KDM4C: variants seen among roughly 807,000 people sequenced by gnomAD.
KDM4C encodes the protein lysine-specific demethylase 4C.
A neutral mutation model predicts 129.3 loss-of-function variants in KDM4C; 81 were observed. The observed-to-expected ratio is 0.63, with a 90% CI of 0.52 to 0.75. The LOEUF (loss-of-function observed/expected upper bound fraction) is 0.75, where lower values mean the gene tolerates loss of function less well. KDM4C is among the 30% of genes least tolerant of loss of function. The pLI is 0.00. For synonymous variants in KDM4C, 573 were observed against 456.1 expected, an observed-to-expected ratio of 1.26 and a Z score of -3.26; for missense variants, 1,457 against 1,304.0, an observed-to-expected ratio of 1.12 and a Z score of -1.81.
At chr9:7,133,926 A>G (rs190036742) in intron 19 of KDM4C, among the ~76,000 whole-genome samples, 5 of 152,272 alleles carry the variant, frequency 3.3e-5, no homozygotes, top group Admixed American at 3.3e-4. Flanking sequence ...GAGGTGTCCT[A>G]GATGTTCAGG....
chr9:6,893,051 G>A (rs770406619), intron 7 of KDM4C, 44 bp from the exon 8 acceptor site: 4 of 1,349,084 alleles, frequency 3.0e-6, no homozygotes, highest in Non-Finnish European at 3.9e-6. Context: ...CATAATTTAG[G>A]AAGTCTTATT....
At chr9:6,817,225 A>G (rs1397881874) in intron 4 of KDM4C, among the ~76,000 whole-genome samples, 2 of 89,208 alleles carry the variant, frequency 2.2e-5, no homozygotes, top group African/African-American at 8.7e-5. Flanking sequence ...TTTTTTTGAG[A>G]CAGTCTTGTT....
chr9:7,009,274 T>C (rs1184152499), intron 12 of KDM4C, among the ~76,000 whole-genome samples: 2 of 152,194 alleles, frequency 1.3e-5, no homozygotes, highest in Non-Finnish European at 2.9e-5. Context: ...GGGCTTCACA[T>C]TTCTGCCAGC....
chr9:6,894,201 A>G (rs1846502794), intron 8 of KDM4C, among the ~76,000 whole-genome samples: 1 of 152,248 alleles, frequency 6.6e-6, no homozygotes, highest in South Asian at 2.1e-4. Flanking sequence ...TATTTAGAAA[A>G]TTGCATAATA....
At chr9:6,848,815 C>T (rs985536321) in intron 4 of KDM4C, among the ~76,000 whole-genome samples, 4 of 152,170 alleles carry the variant, frequency 2.6e-5, no homozygotes, top group African/African-American at 9.7e-5. Context: ...ATTATTCCAG[C>T]AGTTTTACCA....
intron 4 of KDM4C, among the ~76,000 whole-genome samples, chr9:6,821,116 A>G (rs1278466867): frequency 6.6e-6 from 1 of 152,130 alleles, no homozygotes; most frequent in Non-Finnish European, 1.5e-5. Context: ...AATCCAGTCT[A>G]TCATTGATGG....
intron 6 of KDM4C, among the ~76,000 whole-genome samples, chr9:6,880,334 T>A (rs1022857860): frequency 3.9e-5 from 6 of 152,246 alleles, no homozygotes; most frequent in African/African-American, 1.4e-4. Flanking sequence ...TAATCTGTTT[T>A]GGTAGTTTCT....
chr9:6,775,197 A>G (rs944851240), intron 1 of KDM4C, among the ~76,000 whole-genome samples: 5 of 151,872 alleles, frequency 3.3e-5, no homozygotes, highest in African/African-American at 4.8e-5. Flanking sequence ...TTGTATTTTT[A>G]GTAGAGATGG....
intron 5 of KDM4C, among the ~76,000 whole-genome samples, chr9:6,874,800 A>C (rs552700610): frequency 2.0e-5 from 3 of 152,208 alleles, no homozygotes; most frequent in Non-Finnish European, 4.4e-5. Context: ...TATAATGAAA[A>C]TGTGGACTGG....
intron 8 of KDM4C, 45 bp from the exon 9 acceptor site, chr9:6,980,880 T>C (rs764527451): frequency 1.9e-6 from 3 of 1,547,598 alleles, no homozygotes; most frequent in Non-Finnish European, 8.9e-7. Flanking sequence ...TGTTACTGTA[T>C]AGTTAGCGAA....
At position 6,798,035 on chromosome 9, in the gene KDM4C, G is replaced by A. The variant is rs572099970; in HGVS notation, c.144+4903G>A. On this transcript the variant is annotated intron_variant, in intron 2 of 21. Coordinates refer to ENST00000381309, the MANE Select transcript of KDM4C (RefSeq NM_015061.6). The stretch of plus-strand genomic sequence containing the variant: ...GTTTCCCTATGCAAGAAAATCTGAT[G>A]TCTTAGGATTTCAAATTATAGTTAA... Among the ~76,000 whole-genome samples, 282 of 152,212 alleles carry A rather than the reference G, an allele frequency of 1.9e-3. 2 individuals are homozygous for A. The highest frequency in any genetic ancestry group is 6.5e-3 in the African/African-American group (271 of 41,546).
At chr9:6,942,466 G>C (rs1426615481) in intron 8 of KDM4C, 1 of 149,196 alleles carries the variant, frequency 6.7e-6, no homozygotes, top group Non-Finnish European at 1.5e-5. Flanking sequence ...CCAGTACTGT[G>C]TTGACGAGGA....
intron 8 of KDM4C, chr9:6,947,934 T>A (rs992713735): frequency 3.9e-5 from 6 of 152,202 alleles, no homozygotes; most frequent in Admixed American, 3.9e-4. Flanking sequence ...TTTCATTTCT[T>A]TTTTATTGGT....
At chr9:7,046,316 CT>C (rs1411355091) in intron 15 of KDM4C, among the ~76,000 whole-genome samples, 1 of 151,874 alleles carries the variant, frequency 6.6e-6, no homozygotes, top group Non-Finnish European at 1.5e-5. Flanking sequence ...GATCAGGACA[CT>C]TTTTATAACA....
intron 4 of KDM4C, chr9:6,834,789 C>T (rs778016934): frequency 4.5e-6 from 6 of 1,333,786 alleles, no homozygotes; most frequent in Non-Finnish European, 6.5e-6. Flanking sequence ...CCCCTGAACC[C>T]CAAGGCCAGC....
intron 21 of KDM4C, among the ~76,000 whole-genome samples, chr9:7,171,477 C>G (rs7856052): frequency 0.057 from 8,653 of 152,168 alleles, 317 homozygotes; most frequent in African/African-American, 0.1. Context: ...CTGCCTTATT[C>G]CCAGCTCCTC....
At chr9:6,865,134 G>A (rs1167193995) in intron 5 of KDM4C, among the ~76,000 whole-genome samples, 4 of 150,674 alleles carry the variant, frequency 2.7e-5, no homozygotes, top group Admixed American at 6.6e-5. Flanking sequence ...TCAGCCTCCC[G>A]AGTAGCTGGG....
At chr9:7,107,818 T>C (rs1303115552) in intron 18 of KDM4C, among the ~76,000 whole-genome samples, 2 of 152,032 alleles carry the variant, frequency 1.3e-5, no homozygotes, top group Non-Finnish European at 2.9e-5. Flanking sequence ...TTTAGTATTA[T>C]TGTAGCTAGG....
At chr9:6,835,361 C>G (rs1025738210) in intron 4 of KDM4C, 1 of 1,064,116 alleles carries the variant, frequency 9.4e-7, no homozygotes, top group Non-Finnish European at 1.5e-6. Flanking sequence ...GGCGGCACCA[C>G]CATGTACCCT....
Sources: gnomAD v4.1 joint callset for allele counts (sites outside exome capture counted in the v4.1 genomes callset) on GRCh38, gnomAD v4.1.1 for gene constraint, MANE v1.5 for transcripts, NCBI Gene and HGNC (gene_info 2026-07-23, HGNC 2026-07-21) for gene names.